The following LRMDA variants were observed in gnomAD, a reference collection of about 807,000 sequenced individuals.
LRMDA encodes the protein leucine-rich melanocyte differentiation-associated protein.
A neutral mutation model predicts 29.8 loss-of-function variants in LRMDA; 18 were observed. The observed-to-expected ratio is 0.60, with a 90% CI of 0.42 to 0.90. The LOEUF (loss-of-function observed/expected upper bound fraction) is 0.90, where lower values mean the gene tolerates loss of function less well. LRMDA is among the 40% of genes least tolerant of loss of function. LRMDA has a pLI of 0.00. For missense variants in LRMDA, 273 were observed against 273.9 expected (o/e 1.00, Z 0.02); for synonymous variants, 125 against 109.4 (o/e 1.14, Z -0.89).
At chr10:75,573,911 G>C (rs953893399) in intron 2 of LRMDA, among the ~76,000 whole-genome samples, 1 of 151,930 alleles carries the variant, frequency 6.6e-6, no homozygotes, top group Non-Finnish European at 1.5e-5. Context: ...CAATTTTTCA[G>C]CTTGGAGTTC....
rs180838560 is a variant in LRMDA at position 75,841,161 on chromosome 10, G to A, written c.132-194847G>A. Among the ~76,000 whole-genome samples, 7 of 152,268 alleles carry A rather than the reference G, an allele frequency of 4.6e-5. No homozygotes were observed. The East Asian group carries it at 1.3e-3, about 29-fold the overall frequency. ...CTAACATTGAGCCCACATTCTAAAG[G>A]CAACATGCTTGGTTCCCGAAGCCTT... On this transcript the variant is annotated intron_variant, in intron 2 of 6. Coordinates refer to ENST00000611255, the MANE Select transcript of LRMDA (RefSeq NM_001305581.2).
chr10:76,365,071 T>TACAC (rs1554816010), intron 6 of LRMDA, among the ~76,000 whole-genome samples: 949 of 91,264 alleles, frequency 0.01, 16 homozygotes, highest in African/African-American at 0.029. Context: ...CGTATATATA[T>TACAC]ACACACACAC....
chr10:76,026,940 C>T (rs1363772900), intron 2 of LRMDA, among the ~76,000 whole-genome samples: 1 of 152,174 alleles, frequency 6.6e-6, no homozygotes, highest in Non-Finnish European at 1.5e-5. Flanking sequence ...ACAGCTTCTC[C>T]ATTTTGACAA....
chr10:76,441,976 A>G (rs1165061061), intron 6 of LRMDA, among the ~76,000 whole-genome samples: 1 of 152,208 alleles, frequency 6.6e-6, no homozygotes, highest in Non-Finnish European at 1.5e-5. Context: ...TGGAATATCC[A>G]GAAACACTTT....
chr10:75,679,105 C>G (rs1458912177), intron 2 of LRMDA, among the ~76,000 whole-genome samples: 1 of 152,164 alleles, frequency 6.6e-6, no homozygotes, highest in Non-Finnish European at 1.5e-5. Flanking sequence ...GCAATCTGTT[C>G]TGTTTTTAGA....
intron 6 of LRMDA, among the ~76,000 whole-genome samples, chr10:76,342,875 C>T (rs1205410106): frequency 1.3e-5 from 2 of 150,648 alleles, no homozygotes; most frequent in African/African-American, 4.8e-5. Flanking sequence ...CCCACAAAAA[C>T]ACCAAGTCCA....
chr10:76,332,497 G>T (rs1162744118), intron 6 of LRMDA, among the ~76,000 whole-genome samples: 1 of 152,150 alleles, frequency 6.6e-6, no homozygotes. Context: ...GGAAAAAATG[G>T]ATTTCAGTTT....
At chr10:76,308,758 C>T (rs1416561370) in intron 5 of LRMDA, among the ~76,000 whole-genome samples, 7 of 152,194 alleles carry the variant, frequency 4.6e-5, no homozygotes, top group Admixed American at 2.6e-4. Context: ...CTGAAAGTGA[C>T]GGCTCCAATT....
chr10:75,565,414 C>G (rs1334480144), intron 2 of LRMDA, among the ~76,000 whole-genome samples: 1 of 152,224 alleles, frequency 6.6e-6, no homozygotes, highest in Non-Finnish European at 1.5e-5. Flanking sequence ...CTCTTGGCCT[C>G]TTAATTGGGT....
chr10:76,407,429 A>G (rs1266651990), intron 6 of LRMDA, among the ~76,000 whole-genome samples: 1 of 152,192 alleles, frequency 6.6e-6, no homozygotes, highest in African/African-American at 2.4e-5. Context: ...GGGACTTGCA[A>G]AATAATGAAT....
chr10:76,118,891 C>T (rs1039696434), intron 5 of LRMDA, among the ~76,000 whole-genome samples: 2 of 65,442 alleles, frequency 3.1e-5, no homozygotes, highest in African/African-American at 1.1e-4. Context: ...TTTTGTAGTT[C>T]GGAACTTGAG....
chr10:76,268,663 C>G (rs1235930040), intron 5 of LRMDA, among the ~76,000 whole-genome samples: 1 of 152,126 alleles, frequency 6.6e-6, no homozygotes, highest in African/African-American at 2.4e-5. Context: ...AATGCCATGC[C>G]CTTCAGAACC....
intron 2 of LRMDA, among the ~76,000 whole-genome samples, chr10:75,667,011 C>A (rs529845957): frequency 2.0e-5 from 3 of 151,872 alleles, no homozygotes; most frequent in African/African-American, 7.3e-5. Context: ...AAGAGGGTGG[C>A]GTGTATGGGT....
At chr10:75,512,888 T>C (rs1036315997) in intron 2 of LRMDA, among the ~76,000 whole-genome samples, 16 of 152,206 alleles carry the variant, frequency 1.1e-4, no homozygotes, top group African/African-American at 3.9e-4. Context: ...TTACCCTACT[T>C]GTTAAACAAA....
chr10:75,922,948 A>G (rs2132390860), intron 2 of LRMDA, among the ~76,000 whole-genome samples: 1 of 152,330 alleles, frequency 6.6e-6, no homozygotes, highest in African/African-American at 2.4e-5. Context: ...CAGAATATAA[A>G]GGCTACAGGT....
intron 2 of LRMDA, among the ~76,000 whole-genome samples, chr10:75,561,696 CT>C (rs1840297562): frequency 1.3e-5 from 2 of 151,538 alleles, no homozygotes; most frequent in Non-Finnish European, 2.9e-5. Flanking sequence ...CTACACACTG[CT>C]TTGAATGTGT....
At chr10:76,528,374 A>C (rs1843200319) in intron 6 of LRMDA, among the ~76,000 whole-genome samples, 2 of 152,208 alleles carry the variant, frequency 1.3e-5, no homozygotes, top group African/African-American at 4.8e-5. Context: ...GCAAATATTT[A>C]AGTAATAAAA....
intron 2 of LRMDA, among the ~76,000 whole-genome samples, chr10:75,556,748 G>T (rs1334126580): frequency 1.1e-5 from 1 of 94,416 alleles, no homozygotes; most frequent in Non-Finnish European, 2.5e-5. Context: ...GTGGTTGCAT[G>T]ATTGTTTTTT....
intron 2 of LRMDA, among the ~76,000 whole-genome samples, chr10:75,880,582 T>G (rs756171035): frequency 2.4e-4 from 37 of 152,334 alleles, no homozygotes; most frequent in Middle Eastern, 3.4e-3. Context: ...TGAAACTCCC[T>G]TGATATCTAG....
Sources: allele counts gnomAD v4.1 joint callset (sites outside exome capture counted in the v4.1 genomes callset), GRCh38; gene constraint gnomAD v4.1.1; transcripts MANE v1.5; gene names NCBI Gene and HGNC (gene_info 2026-07-23, HGNC 2026-07-21).